Variants in AKAP14 observed in about 807,000 individuals in gnomAD.
AKAP14 encodes the protein A-kinase anchor protein 14.
Under a neutral mutation model 17.0 loss-of-function variants are expected in AKAP14, and 4 were observed. The ratio of observed to expected loss-of-function variants is 0.23; its 90% confidence interval spans 0.12 to 0.54. AKAP14 has a LOEUF of 0.54. Among genes scored for constraint, AKAP14 ranks in the 20% least tolerant of loss-of-function variants. AKAP14 has a pLI of 0.95. For missense variants in AKAP14, 129 were observed against 150.9 expected, an observed-to-expected ratio of 0.85 and a Z score of 0.76; for synonymous variants, 42 against 51.3, an observed-to-expected ratio of 0.82 and a Z score of 0.77.
intron 4 of AKAP14, among the ~76,000 whole-genome samples, chrX:119,914,226 A>AGG (rs1433857107): frequency 1.0e-5 from 1 of 99,727 alleles, no homozygotes; most frequent in Non-Finnish European, 2.1e-5. Context: ...CAACAGAGAG[A>AGG]GACTCCATCT....
At position 119,910,256 on chromosome X, in the gene AKAP14, A is replaced by T. The variant is rs191048862; in HGVS notation, c.262-4443A>T. Among the ~76,000 whole-genome samples the T allele has an allele frequency of 3.1e-3, 353 of 112,130 alleles. 10 individuals carry two copies. The East Asian group carries it at 0.075, about 24-fold the overall frequency. ...GCTCTTCTCTGGACTGAAACAGCCAATTGGGTACAAGTTTGAAATAAGCTG... is the reference window on the plus strand; with the variant it reads ...GCTCTTCTCTGGACTGAAACAGCCATTTGGGTACAAGTTTGAAATAAGCTG... On this transcript the variant is annotated intron_variant, in intron 4 of 6. Transcript: ENST00000371431.
At chrX:119,912,452 G>A (rs2056632650) in intron 4 of AKAP14, among the ~76,000 whole-genome samples, 1 of 110,706 alleles carries the variant, frequency 9.0e-6, no homozygotes, top group South Asian at 3.8e-4. Flanking sequence ...CACATTTCAG[G>A]TAGAATAGAT....
chrX:119,897,786 G>A (rs761515004), intron 2 of AKAP14, among the ~76,000 whole-genome samples: 2 of 111,251 alleles, frequency 1.8e-5, no homozygotes, highest in Admixed American at 1.9e-4. Flanking sequence ...GGCAAACTGA[G>A]CTTAAAAATG....
intron 2 of AKAP14, among the ~76,000 whole-genome samples, chrX:119,901,573 G>C (rs2056565609): frequency 9.1e-6 from 1 of 109,809 alleles, no homozygotes; most frequent in African/African-American, 3.3e-5. Context: ...AGGCATGGTG[G>C]CACACGCCTG....
chrX:119,917,925 A>T (rs1356902502), intron 5 of AKAP14, among the ~76,000 whole-genome samples: 1 of 112,941 alleles, frequency 8.9e-6, no homozygotes, highest in Admixed American at 9.4e-5. Context: ...CTGAGGCTGC[A>T]GGCCTAGAGA....
At chrX:119,906,048 G>A (rs1047119686) in intron 4 of AKAP14, among the ~76,000 whole-genome samples, 1 of 110,794 alleles carries the variant, frequency 9.0e-6, no homozygotes, top group Non-Finnish European at 1.9e-5. Flanking sequence ...TTGCATTACC[G>A]TATTTCTTCA....
intron 5 of AKAP14, among the ~76,000 whole-genome samples, chrX:119,917,134 A>T (rs1193275123): frequency 9.3e-6 from 1 of 107,836 alleles, no homozygotes; most frequent in Non-Finnish European, 1.9e-5. Context: ...AAAATAATAA[A>T]AATAAAAATT....
intron 1 of AKAP14, 26 bp from the exon 2 acceptor site, chrX:119,896,129 G>C (rs1209893669): frequency 9.1e-6 from 1 of 110,326 alleles, no homozygotes; most frequent in Non-Finnish European, 1.9e-5. Context: ...GCTTCCCATT[G>C]GTTGAAATTG....
intron 2 of AKAP14, among the ~76,000 whole-genome samples, chrX:119,896,806 T>TTTTC (rs1569468215): frequency 1.7e-4 from 9 of 52,106 alleles, no homozygotes; most frequent in African/African-American, 6.6e-4. Context: ...TTTTCTTTTC[T>TTTTC]TTTTTTCTTT....
intron 2 of AKAP14, among the ~76,000 whole-genome samples, chrX:119,897,549 C>T (rs753061559): frequency 1.8e-5 from 2 of 112,556 alleles, no homozygotes. Context: ...AACCTTTGTA[C>T]AGTTGTCTTT....
At chrX:119,902,052 ACT>A (rs2056569595) in intron 2 of AKAP14, among the ~76,000 whole-genome samples, 1 of 93,049 alleles carries the variant, frequency 1.1e-5, no homozygotes, top group South Asian at 5.6e-4. Context: ...AAAACAAAAC[ACT>A]GTCTTTATAC....
At chrX:119,920,210 T>C in intron 6 of AKAP14, among the ~76,000 whole-genome samples, 1 of 111,768 alleles carries the variant, frequency 8.9e-6, no homozygotes, top group Non-Finnish European at 1.9e-5. Flanking sequence ...GTCATGTCTA[T>C]CGTTTCTAAG....
intron 5 of AKAP14, among the ~76,000 whole-genome samples, chrX:119,918,386 C>T (rs963363172): frequency 9.0e-6 from 1 of 111,590 alleles, no homozygotes; most frequent in African/African-American, 3.3e-5. Flanking sequence ...CACATGCCAC[C>T]ACACCCAGCT....
intron 4 of AKAP14, among the ~76,000 whole-genome samples, chrX:119,913,302 G>A (rs111491111): frequency 0.098 from 10,938 of 111,670 alleles, 497 homozygotes; most frequent in Middle Eastern, 0.16. Flanking sequence ...ACAATTAAGT[G>A]AGTTGGATTT....
intron 2 of AKAP14, among the ~76,000 whole-genome samples, chrX:119,897,898 C>T (rs1261927961): frequency 8.9e-6 from 1 of 111,853 alleles, no homozygotes; most frequent in Non-Finnish European, 1.9e-5. Context: ...TTTGGGAGGC[C>T]GAGGTGGGCA....
chrX:119,911,396 C>T (rs1000603979), intron 4 of AKAP14, among the ~76,000 whole-genome samples: 3 of 109,001 alleles, frequency 2.8e-5, no homozygotes, highest in Non-Finnish European at 5.7e-5. Flanking sequence ...ATGGAGACTA[C>T]AACGCAGACA....
chrX:119,898,932 A>G (rs1157668662), intron 2 of AKAP14, among the ~76,000 whole-genome samples: 1 of 107,714 alleles, frequency 9.3e-6, no homozygotes, highest in African/African-American at 3.4e-5. Flanking sequence ...ACTTTGGGAG[A>G]CTGAGGTGGG....
At chrX:119,898,747 A>T (rs748065769) in intron 2 of AKAP14, among the ~76,000 whole-genome samples, 5 of 107,120 alleles carry the variant, frequency 4.7e-5, no homozygotes, top group African/African-American at 1.7e-4. Flanking sequence ...CAGTGAGCCG[A>T]GATTTCGCCA....
intron 2 of AKAP14, among the ~76,000 whole-genome samples, chrX:119,900,526 C>T (rs1405946912): frequency 1.8e-5 from 2 of 111,996 alleles, no homozygotes; most frequent in African/African-American, 3.2e-5. Context: ...TGCCACCGTG[C>T]CTGGCCATGT....
Sources: allele counts gnomAD v4.1 joint callset (sites outside exome capture counted in the v4.1 genomes callset), GRCh38; gene constraint gnomAD v4.1.1; transcripts MANE v1.5; gene names NCBI Gene and HGNC (gene_info 2026-07-23, HGNC 2026-07-21).